The following IHO1 variants were observed in gnomAD, a reference collection of about 807,000 sequenced individuals.
IHO1 encodes interactor of HORMAD1 1, also known as interactor of HORMAD1 protein 1.
IHO1 carries 13 observed loss-of-function variants against 31.0 expected under a neutral mutation model. The ratio of observed to expected loss-of-function variants is 0.42; its 90% CI spans 0.27 to 0.67. IHO1 has a LOEUF of 0.67. Ranked by LOEUF, IHO1 falls within the 30% of genes least tolerant of loss-of-function variation. IHO1 has a pLI of 0.24. For synonymous variants in IHO1, 221 were observed against 248.4 expected (o/e 0.89, Z 1.04); for missense variants, 599 against 687.5 (o/e 0.87, Z 1.44).
intron 2 of IHO1, among the ~76,000 whole-genome samples, chr3:49,219,125 A>G (rs927108720): frequency 3.3e-5 from 5 of 152,200 alleles, no homozygotes; most frequent in African/African-American, 1.2e-4. Context: ...CCTGGCCAAC[A>G]TGGTGAAACC....
rs970268803 is a variant in IHO1 at position 49,257,877 on chromosome 3, G to T, written c.*595G>T. The T allele has an allele frequency of 6.5e-6, 1 of 152,760 alleles. No individual in the cohort carries two copies. Among genetic ancestry groups the T allele is most frequent in the African/African-American group, 2.4e-5 (1 of 41,428 alleles). 9.5% of individuals were successfully genotyped at this position (152,760 alleles called of 1,614,324 possible). ...AAAGAGGTGACATTCACTAGCAAAT[G>T]TCCAGAGCATATCACTGCTCACAAG... On this transcript the variant is annotated 3_prime_UTR_variant, in exon 8 of 8. Coordinates refer to ENST00000452691, the MANE Select transcript of IHO1 (RefSeq NM_001135197.2).
rs1446887667 is a variant in IHO1, at chr3:49,236,002, A to G, written c.57-546A>G. Among the ~76,000 whole-genome samples, 3 of 150,180 alleles carry G rather than the reference A, an allele frequency of 2.0e-5. No individual in the cohort carries two copies. The Admixed American group carries it at 2.0e-4, about 10-fold the overall frequency. Reference sequence around the variant, plus strand: ...ACACCTGTAATCCCAGCAATTTGGGAGGCTGAGATGGGCGAATCACCTGAG... The same window carrying G: ...ACACCTGTAATCCCAGCAATTTGGGGGGCTGAGATGGGCGAATCACCTGAG... On this transcript the variant is annotated intron_variant, in intron 2 of 7. Transcript: ENST00000452691.
chr3:49,218,909 C>T (rs957226632), intron 2 of IHO1, among the ~76,000 whole-genome samples: 2 of 152,056 alleles, frequency 1.3e-5, no homozygotes, highest in African/African-American at 4.8e-5. Flanking sequence ...GTGATGCATG[C>T]CTACTAGGGA....
intron 1 of IHO1, among the ~76,000 whole-genome samples, chr3:49,202,264 G>A (rs1575561922): frequency 6.6e-6 from 1 of 151,216 alleles, no homozygotes; most frequent in East Asian, 1.9e-4. Context: ...ATGATGATGT[G>A]TTGCAGAGAA....
intron 2 of IHO1, among the ~76,000 whole-genome samples, chr3:49,221,749 T>G (rs1047088042): frequency 6.6e-6 from 1 of 152,150 alleles, no homozygotes; most frequent in Non-Finnish European, 1.5e-5. Flanking sequence ...ATGGCCTCGA[T>G]ACTAGAGGAA....
chr3:49,217,453 A>C (rs2046303071), intron 2 of IHO1, among the ~76,000 whole-genome samples: 1 of 142,376 alleles, frequency 7.0e-6, no homozygotes, highest in East Asian at 2.1e-4. Flanking sequence ...ACATGGACAC[A>C]GGATAGGGAA....
At chr3:49,203,372 A>C (rs925574001) in intron 1 of IHO1, among the ~76,000 whole-genome samples, 2 of 152,168 alleles carry the variant, frequency 1.3e-5, no homozygotes, top group East Asian at 1.9e-4. Context: ...GGCTATGGGG[A>C]GATTACAGAT....
Position 49,241,352 on chromosome 3 carries a change from G to C in IHO1, c.358G>C (p.Glu120Gln). ...GKSKGLLEQF[E>Q]EKKKRAKDKC... Reference sequence around the variant, plus strand: ...ATCAAAAGGCCTCTTGGAACAGTTTGAGGAGAAAAAGAAAAGGGCAAAAGA... The same window carrying C: ...ATCAAAAGGCCTCTTGGAACAGTTTCAGGAGAAAAAGAAAAGGGCAAAAGA... The change falls in exon 4 of 8, where the codon GAG becomes CAG. Residue 120 changes from glutamate (E) to glutamine (Q), a missense_variant. Coordinates refer to ENST00000452691, the MANE Select transcript of IHO1 (RefSeq NM_001135197.2). 1 of 1,612,062 alleles carries C rather than the reference G, an allele frequency of 6.2e-7. No individual in the cohort carries two copies. Among genetic ancestry groups the C allele is most frequent in the Non-Finnish European group, 8.5e-7 (1 of 1,179,288 alleles).
At chr3:49,245,831 A>G (rs140387417) in intron 6 of IHO1, 1 of 152,330 alleles carries the variant, frequency 6.6e-6, no homozygotes, top group Non-Finnish European at 1.5e-5. Flanking sequence ...GAAGCACTGT[A>G]CTGTCTGCTG....
chr3:49,240,493 G>A (rs2046618095), intron 3 of IHO1, among the ~76,000 whole-genome samples: 1 of 152,096 alleles, frequency 6.6e-6, no homozygotes, highest in Admixed American at 6.6e-5. Flanking sequence ...CAAAGTGCTG[G>A]GATTACAGGC....
rs770930707 is a variant in IHO1, at chr3:49,256,713, A to G, written c.1216A>G (p.Asn406Asp). 2 of 1,614,218 alleles carry G rather than the reference A, an allele frequency of 1.2e-6. No homozygotes were observed. The highest frequency in any genetic ancestry group is 2.2e-5 in the South Asian group (2 of 91,086). The change falls in exon 8 of 8, where the codon AAT becomes GAT. Residue 406 changes from asparagine (N) to aspartate (D), a missense_variant. Physicochemically the swap from Asn to Asp is conservative, Grantham distance 23. Coordinates refer to ENST00000452691, the MANE Select transcript of IHO1 (RefSeq NM_001135197.2). The surrounding 1 kb of genome is among the most constrained non-coding windows in gnomAD (Gnocchi z 4.6). Reference sequence around the variant, plus strand: ...GATAAACTTTTCAACCAGCATTAAGAATGCCTGCCAAAAATATCAAGCCCA... The same window carrying G: ...GATAAACTTTTCAACCAGCATTAAGGATGCCTGCCAAAAATATCAAGCCCA... ...LEINFSTSIK[N>D]ACQKYQAQSM...
At chr3:49,196,228 CAAA>C (rs1210658279), upstream of IHO1, among the ~76,000 whole-genome samples, 3 of 43,654 alleles carry the variant, frequency 6.9e-5, no homozygotes, top group Non-Finnish European at 1.0e-4. Flanking sequence ...GACTCCGTCA[CAAA>C]AAAAAAAAAA....
chr3:49,226,416 C>T (rs553273464), intron 2 of IHO1, among the ~76,000 whole-genome samples: 12 of 152,234 alleles, frequency 7.9e-5, no homozygotes, highest in African/African-American at 2.4e-4. Flanking sequence ...TTCCCGTAAC[C>T]GCGCGAGGAA....
intron 2 of IHO1, among the ~76,000 whole-genome samples, chr3:49,233,253 A>G (rs1460112310): frequency 1.3e-5 from 2 of 152,220 alleles, no homozygotes; most frequent in African/African-American, 2.4e-5. Context: ...ACATGGCAGT[A>G]TAGTGGCACT....
chr3:49,256,651 T>G lies in IHO1; in HGVS notation c.1154T>G (p.Leu385Arg). The part of the protein sequence containing the change: ...PGHKIPSDRD[L>R]VSQGASQLTS... ...CATAAGATTCCCAGTGACAGGGACCTGGTTTCCCAAGGAGCCTCACAGCTC... is the reference window on the plus strand; with the variant it reads ...CATAAGATTCCCAGTGACAGGGACCGGGTTTCCCAAGGAGCCTCACAGCTC... Residue 385 changes from leucine to arginine, a missense_variant, in exon 8 of 8, where the codon CTG becomes CGG. Leu to Arg is a moderately radical substitution (Grantham distance 102, BLOSUM62 -2). Transcript: ENST00000452691. This position sits in a 1 kb window ranked among gnomAD's most constrained non-coding sequence, Gnocchi z 4.6. The G allele has an allele frequency of 1.2e-6, 2 of 1,614,256 alleles. No homozygotes were observed. Among genetic ancestry groups the G allele is most frequent in the Non-Finnish European group, 1.7e-6 (2 of 1,180,046 alleles).
chr3:49,209,301 C>A (rs747316244), intron 1 of IHO1, among the ~76,000 whole-genome samples: 12 of 152,150 alleles, frequency 7.9e-5, no homozygotes, highest in Non-Finnish European at 1.5e-4. Context: ...TTGATGCTGG[C>A]ACACTGTCAG....
chr3:49,196,632 G>A (rs1380681918), upstream of IHO1, among the ~76,000 whole-genome samples: 14 of 150,710 alleles, frequency 9.3e-5, no homozygotes, highest in African/African-American at 1.7e-4. Flanking sequence ...ACAGGCGTGC[G>A]CCACCACACC....
intron 4 of IHO1, among the ~76,000 whole-genome samples, chr3:49,243,139 C>CTTTCG (rs2107728879): frequency 6.6e-6 from 1 of 151,902 alleles, no homozygotes; most frequent in Admixed American, 6.6e-5. Flanking sequence ...AATTCTTTGG[C>CTTTCG]TTTTGTTTTG....
chr3:49,211,854 A>G lies in IHO1; in HGVS notation c.56+18A>G. On this transcript the variant is annotated intron_variant, in intron 2 of 7. Transcript: ENST00000452691. ...GGCTCTGGGTAAGTTTTCTGGTTAT[A>G]TTGTCTGATCCTTAAGAGGATTTTC... 1.4e-6 allele frequency: 2 copies of G among 1,437,168 alleles called. No homozygotes were observed. The highest frequency in any genetic ancestry group is 2.0e-6 in the Non-Finnish European group (2 of 1,019,534). 89.0% of individuals were successfully genotyped at this position (1,437,168 alleles called of 1,614,324 possible).
Sources: allele counts gnomAD v4.1 joint callset (sites outside exome capture counted in the v4.1 genomes callset), GRCh38; gene constraint gnomAD v4.1.1; non-coding constraint Gnocchi (gnomAD v3.1); transcripts MANE v1.5; gene names NCBI Gene and HGNC (gene_info 2026-07-23, HGNC 2026-07-21).